The following NELL1 variants were observed in gnomAD, a reference collection of about 807,000 sequenced individuals.
The protein encoded by NELL1 is neural EGFL like 1, also known as protein kinase C-binding protein NELL1.
Under a neutral mutation model 107.4 loss-of-function variants are expected in NELL1, and 76 were observed. That is an observed-to-expected ratio of 0.71 (90% CI 0.59 to 0.86). The LOEUF (loss-of-function observed/expected upper bound fraction) is 0.86. Among genes scored for constraint, NELL1 ranks in the 40% least tolerant of loss-of-function variants. NELL1 has a pLI of 0.00. For missense variants in NELL1, 1,024 were observed against 1,005.5 expected, an observed-to-expected ratio of 1.02 and a Z score of -0.25; for synonymous variants, 353 against 341.2, an observed-to-expected ratio of 1.03 and a Z score of -0.38.
At chr11:21,139,810 G>T (rs2133770035) in intron 13 of NELL1, among the ~76,000 whole-genome samples, 1 of 152,276 alleles carries the variant, frequency 6.6e-6, no homozygotes, top group Admixed American at 6.5e-5. Context: ...AAGCTTTGTT[G>T]GCCCATGTGC....
rs778738743 is a variant in NELL1 at position 20,783,637 on chromosome 11, T to G, written c.185-43T>G. 64 of 1,495,346 alleles carry G rather than the reference T, an allele frequency of 4.3e-5. No homozygotes were observed. In the Admixed American group the frequency reaches 6.1e-4, roughly 14 times the overall value. 92.6% of individuals were successfully genotyped at this position (1,495,346 alleles called of 1,614,324 possible). A position where few individuals can be genotyped will look rare whatever the true frequency, so the allele number is the denominator to read the frequency against. On this transcript the variant is annotated intron_variant, in intron 2 of 19. Coordinates refer to ENST00000357134, the MANE Select transcript of NELL1 (RefSeq NM_006157.5). Reference sequence around the variant, plus strand: ...TCTTCTCTACTCCTTCTCCTTCCTCTTCTCCTCTCCTGTTTCCTCCTGCTT... The same window carrying G: ...TCTTCTCTACTCCTTCTCCTTCCTCGTCTCCTCTCCTGTTTCCTCCTGCTT...
intron 15 of NELL1, among the ~76,000 whole-genome samples, chr11:21,408,272 A>G (rs1478682343): frequency 2.6e-5 from 4 of 151,808 alleles, no homozygotes; most frequent in Non-Finnish European, 5.9e-5. Flanking sequence ...GCTTCTAACT[A>G]CTCCCACTCT....
intron 14 of NELL1, among the ~76,000 whole-genome samples, chr11:21,329,407 T>G (rs1289832381): frequency 6.6e-6 from 1 of 152,166 alleles, no homozygotes; most frequent in Non-Finnish European, 1.5e-5. Context: ...TGTGAGTCAA[T>G]TAAACTTCTT....
At chr11:21,484,763 A>T (rs1325836561) in intron 15 of NELL1, among the ~76,000 whole-genome samples, 1 of 152,152 alleles carries the variant, frequency 6.6e-6, no homozygotes, top group Non-Finnish European at 1.5e-5. Flanking sequence ...ATTTCATAGG[A>T]TATATTCTCC....
At chr11:20,983,070 G>A (rs1851780890) in intron 12 of NELL1, among the ~76,000 whole-genome samples, 1 of 152,124 alleles carries the variant, frequency 6.6e-6, no homozygotes, top group African/African-American at 2.4e-5. Context: ...TTCCAATCTT[G>A]GTTTGGCTCC....
At position 20,828,764 on chromosome 11, in the gene NELL1, T is replaced by C. The variant is rs79395600; in HGVS notation, c.336-18819T>C. Among the ~76,000 whole-genome samples, 1,395 of 152,364 alleles carry C rather than the reference T, an allele frequency of 9.2e-3. 28 individuals are homozygous for C. The highest frequency in any genetic ancestry group is 0.031 in the African/African-American group (1,290 of 41,588). On this transcript the variant is annotated intron_variant, in intron 3 of 19. Coordinates refer to ENST00000357134, the MANE Select transcript of NELL1 (RefSeq NM_006157.5). ...CAGTCAGTTTTAGTGTCTCACTTTC[T>C]ATCTGTTCTTAAGTTTTCATTTTTC...
chr11:21,129,366 A>G (rs1855562748), intron 13 of NELL1, among the ~76,000 whole-genome samples: 1 of 152,160 alleles, frequency 6.6e-6, no homozygotes, highest in South Asian at 2.1e-4. Context: ...AAATAGAAAA[A>G]AATAGAAAAT....
intron 3 of NELL1, among the ~76,000 whole-genome samples, chr11:20,809,440 TC>T (rs1231602565): frequency 2.0e-5 from 3 of 152,210 alleles, no homozygotes; most frequent in Admixed American, 6.5e-5. Context: ...AGTTTAGTTA[TC>T]CAACTATAAA....
At chr11:20,926,311 G>A (rs1253925031) in intron 7 of NELL1, among the ~76,000 whole-genome samples, 1 of 152,110 alleles carries the variant, frequency 6.6e-6, no homozygotes, top group African/African-American at 2.4e-5. Flanking sequence ...TCAGAAGAGA[G>A]GCTTGGAATC....
chr11:20,673,830 C>G (rs574050549), intron 1 of NELL1, among the ~76,000 whole-genome samples: 1 of 145,010 alleles, frequency 6.9e-6, no homozygotes, highest in South Asian at 2.4e-4. Context: ...GGACAAGAAG[C>G]AGAAACAATA....
intron 12 of NELL1, among the ~76,000 whole-genome samples, chr11:21,103,466 A>G (rs969440901): frequency 6.6e-5 from 10 of 152,164 alleles, no homozygotes; most frequent in African/African-American, 2.4e-4. Flanking sequence ...CCTGCTAGTT[A>G]ATCTCTTGAG....
At chr11:21,489,091 G>C (rs1448652623) in intron 15 of NELL1, among the ~76,000 whole-genome samples, 1 of 151,640 alleles carries the variant, frequency 6.6e-6, no homozygotes, top group Non-Finnish European at 1.5e-5. Flanking sequence ...AAATGAAAAA[G>C]GAGACTTTAC....
intron 4 of NELL1, among the ~76,000 whole-genome samples, chr11:20,867,344 T>C (rs1180481925): frequency 6.6e-6 from 1 of 152,148 alleles, no homozygotes; most frequent in African/African-American, 2.4e-5. Context: ...ACTGAAGTAA[T>C]GCATGGAAAG....
intron 14 of NELL1, among the ~76,000 whole-genome samples, chr11:21,330,657 C>G (rs1293120265): frequency 6.6e-6 from 1 of 151,810 alleles, no homozygotes. Context: ...CTGATTTTCT[C>G]TTTGTATTTT....
At chr11:21,444,200 T>C (rs1158071529) in intron 15 of NELL1, among the ~76,000 whole-genome samples, 1 of 152,152 alleles carries the variant, frequency 6.6e-6, no homozygotes, top group Admixed American at 6.5e-5. Flanking sequence ...GACCTACATT[T>C]GTCATTATCC....
chr11:21,190,824 A>G (rs1285692506), intron 13 of NELL1, among the ~76,000 whole-genome samples: 3 of 151,954 alleles, frequency 2.0e-5, no homozygotes, highest in Non-Finnish European at 4.4e-5. Flanking sequence ...GAAAGAGATT[A>G]TAGCCCAATC....
chr11:21,409,325 A>C (rs943499257), intron 15 of NELL1, among the ~76,000 whole-genome samples: 3 of 152,074 alleles, frequency 2.0e-5, no homozygotes, highest in Non-Finnish European at 4.4e-5. Context: ...GTAAACTATC[A>C]CAATGACAAA....
In NELL1 at chr11:21,119,778, G is replaced by A. The variant is rs1012911050; in HGVS notation, c.1426+6064G>A. ...AGGAGGGGTTTTTCTTCTCTCCCCCGTATGCTTTTGGTTTTTGGAATAGTC... is the reference window on the plus strand; with the variant it reads ...AGGAGGGGTTTTTCTTCTCTCCCCCATATGCTTTTGGTTTTTGGAATAGTC... On this transcript the variant is annotated intron_variant, in intron 13 of 19. Coordinates refer to ENST00000357134, the MANE Select transcript of NELL1 (RefSeq NM_006157.5). Among the ~76,000 whole-genome samples the A allele has an allele frequency of 5.3e-5, 8 of 151,996 alleles. No individual in the cohort carries two copies. In the East Asian group the frequency reaches 7.7e-4, roughly 15 times the overall value.
Position 21,560,174 on chromosome 11 carries a change from C to CT in NELL1, c.1787-13dup. ...CTTGGCTAGATTCTAAGCTTCTGTGCTTCCTATATTGCAGACATTGATGAA... is the reference window on the plus strand; with the variant it reads ...CTTGGCTAGATTCTAAGCTTCTGTGCTTTCCTATATTGCAGACATTGATGAA... On this transcript the variant is annotated splice_polypyrimidine_tract_variant and intron_variant, in intron 16 of 19. Transcript: ENST00000357134. 2 of 1,612,494 alleles carry CT rather than the reference C, an allele frequency of 1.2e-6. No homozygotes were observed. Among genetic ancestry groups the CT allele is most frequent in the Non-Finnish European group, 1.7e-6 (2 of 1,178,690 alleles).
Sources: allele counts gnomAD v4.1 joint callset (sites outside exome capture counted in the v4.1 genomes callset), GRCh38; gene constraint gnomAD v4.1.1; transcripts MANE v1.5; gene names NCBI Gene and HGNC (gene_info 2026-07-23, HGNC 2026-07-21).